ELOF1: variants seen among roughly 807,000 people sequenced by gnomAD.
ELOF1 encodes elongation factor 1, also known as transcription elongation factor 1 homolog.
In ELOF1, 4 loss-of-function variants were observed where a neutral mutation model predicts 7.1. The ratio of observed to expected loss-of-function variants is 0.56; its 90% confidence interval spans 0.28 to 1.29. The LOEUF is 1.29. ELOF1 is among the 50% of genes most tolerant of loss of function. The pLI, the probability that ELOF1 is intolerant of heterozygous loss-of-function variation, is 0.10. For missense variants in ELOF1, 59 were observed against 86.3 expected, an observed-to-expected ratio of 0.68 and a Z score of 1.25; for synonymous variants, 31 against 31.9, an observed-to-expected ratio of 0.97 and a Z score of 0.09.
chr19:11,556,890 T>A (rs1025331606), intron 1 of ELOF1, among the ~76,000 whole-genome samples: 1 of 152,168 alleles, frequency 6.6e-6, no homozygotes, highest in African/African-American at 2.4e-5. Context: ...GCAAAAACAA[T>A]TTGTTCATTC....
At chr19:11,556,915 T>C (rs1972842222) in intron 1 of ELOF1, among the ~76,000 whole-genome samples, 1 of 152,134 alleles carries the variant, frequency 6.6e-6, no homozygotes, top group Non-Finnish European at 1.5e-5. Context: ...CTGGCTCCCA[T>C]CCCCTTTTCT....
At chr19:11,554,766 G>C (rs948615020) in intron 1 of ELOF1, 3 of 210,398 alleles carry the variant, frequency 1.4e-5, no homozygotes, top group Non-Finnish European at 2.8e-5. Context: ...ACATAGTGAG[G>C]CCTCATCTCT....
At chr19:11,553,575 C>T (rs1972767248) in intron 3 of ELOF1, 2 of 738,070 alleles carry the variant, frequency 2.7e-6, no homozygotes, top group African/African-American at 1.8e-5. Context: ...CCCACACGCA[C>T]ACCCACTACA....
chr19:11,554,305 T>C (rs780117768), exon 2 of ELOF1: 6 of 1,613,842 alleles, frequency 3.7e-6, no homozygotes, highest in Non-Finnish European at 3.4e-6. Flanking sequence ...CCTGTCATCT[T>C]CTTCTTGGGA....
At chr19:11,554,030 T>C in exon 3 of ELOF1, 1 of 1,614,158 alleles carries the variant, frequency 6.2e-7, no homozygotes, top group Non-Finnish European at 8.5e-7. Flanking sequence ...GCGTCTGGAA[T>C]TCCTCTAGGC....
chr19:11,556,631 G>A (rs1972839065), intron 1 of ELOF1, among the ~76,000 whole-genome samples: 1 of 152,142 alleles, frequency 6.6e-6, no homozygotes, highest in Non-Finnish European at 1.5e-5. Flanking sequence ...GATGCTTCCA[G>A]TTCACTGAGT....
chr19:11,553,276 G>T, intron 3 of ELOF1: 2 of 400,306 alleles, frequency 5.0e-6, no homozygotes, highest in Non-Finnish European at 8.8e-6. Context: ...GTTGAGATGG[G>T]CACGGTGCTG....
At chr19:11,554,234 T>G in exon 2 of ELOF1, 1 of 1,612,834 alleles carries the variant, frequency 6.2e-7, no homozygotes, top group Non-Finnish European at 8.5e-7. Flanking sequence ...CCACTCACAT[T>G]TTCACATCAC....
chr19:11,558,792 A>G (rs966588405), intron 1 of ELOF1, among the ~76,000 whole-genome samples: 1 of 151,506 alleles, frequency 6.6e-6, no homozygotes, highest in Admixed American at 6.6e-5. Context: ...TTGCCCAGGG[A>G]CTACAGTCTC....
intron 1 of ELOF1, among the ~76,000 whole-genome samples, chr19:11,556,009 G>A (rs1471744073): frequency 6.6e-6 from 1 of 152,088 alleles, no homozygotes; most frequent in Admixed American, 6.6e-5. Flanking sequence ...AGAAAATGAT[G>A]GGGTTGGGTG....
intron 1 of ELOF1, among the ~76,000 whole-genome samples, chr19:11,556,437 G>A (rs899858933): frequency 6.6e-6 from 1 of 151,632 alleles, no homozygotes; most frequent in Non-Finnish European, 1.5e-5. Flanking sequence ...GTAGCTGGGA[G>A]TACAGGCATG....
chr19:11,553,659 C>G, intron 3 of ELOF1: 1 of 1,514,258 alleles, frequency 6.6e-7, no homozygotes, highest in Non-Finnish European at 9.1e-7. Flanking sequence ...GACCCACACC[C>G]TGGACCCCTG....
At chr19:11,555,304 G>A (rs1689094428) in intron 1 of ELOF1, 1 of 166,024 alleles carries the variant, frequency 6.0e-6, no homozygotes, top group Admixed American at 6.4e-5. Flanking sequence ...TATCTCAGAG[G>A]AGACTTGTGG....
chr19:11,554,188 G>A lies in ELOF1; in HGVS notation c.116+44C>T, dbSNP rs373143619. 1.5e-4 allele frequency: 234 copies of A among 1,613,352 alleles called. 4 individuals carry two copies. Among genetic ancestry groups the A allele is most frequent in the South Asian group, 1.2e-3 (111 of 91,082 alleles). ...GGGCAGGATGGAGAACAGCGGGGAA[G>A]AGGCAGTGGGGAGGCTGGATCCCTT... On this transcript the variant is annotated intron_variant, in intron 2 of 3. Coordinates refer to ENST00000586683, the Ensembl canonical transcript of ELOF1.
chr19:11,554,017 T>A, exon 3 of ELOF1: 5 of 1,614,170 alleles, frequency 3.1e-6, no homozygotes, highest in Non-Finnish European at 4.2e-6. Flanking sequence ...ATACACGTTA[T>A]GGGCGTCTGG....
chr19:11,558,358 C>G (rs1306712791), intron 1 of ELOF1, among the ~76,000 whole-genome samples: 1 of 151,810 alleles, frequency 6.6e-6, no homozygotes, highest in African/African-American at 2.4e-5. Context: ...TCAAGAGATA[C>G]TCCCGCCTCG....
At chr19:11,556,605 C>A (rs1446257788) in intron 1 of ELOF1, among the ~76,000 whole-genome samples, 1 of 152,114 alleles carries the variant, frequency 6.6e-6, no homozygotes, top group African/African-American at 2.4e-5. Flanking sequence ...AGCCAACACC[C>A]CCAACTCTTA....
intron 1 of ELOF1, chr19:11,555,382 C>T (rs935385780): frequency 6.6e-6 from 1 of 152,646 alleles, no homozygotes; most frequent in Non-Finnish European, 1.5e-5. Context: ...GGCGCCAATA[C>T]AAGGAAGCCA....
chr19:11,557,594 T>TAAAAAAA (rs56991908), intron 1 of ELOF1, among the ~76,000 whole-genome samples: 1 of 78,078 alleles, frequency 1.3e-5, no homozygotes, highest in Non-Finnish European at 2.5e-5. Context: ...AAACTTCATC[T>TAAAAAAA]AAAAAAAAAA....
Sources: allele counts gnomAD v4.1 joint callset (sites outside exome capture counted in the v4.1 genomes callset), GRCh38; gene constraint gnomAD v4.1.1; transcripts MANE v1.5; gene names NCBI Gene and HGNC (gene_info 2026-07-23, HGNC 2026-07-21).